The following CNTN1 variants were observed in gnomAD, a reference collection of about 807,000 sequenced individuals.
CNTN1 encodes contactin 1, also known as contactin-1.
In CNTN1, 38 loss-of-function variants were observed where a neutral mutation model predicts 126.4. The ratio of observed to expected loss-of-function variants is 0.30; its 90% CI spans 0.23 to 0.39. The LOEUF is 0.39. Among genes scored for constraint, CNTN1 ranks in the 10% least tolerant of loss-of-function variants. The pLI, the probability that CNTN1 is intolerant of heterozygous loss-of-function variation, is 1.00. For missense variants in CNTN1, 1,009 were observed against 1,248.4 expected, an observed-to-expected ratio of 0.81 and a Z score of 2.89; for synonymous variants, 413 against 422.6, an observed-to-expected ratio of 0.98 and a Z score of 0.28.
At chr12:40,967,898 T>C (rs1947364344) in intron 15 of CNTN1, among the ~76,000 whole-genome samples, 1 of 150,742 alleles carries the variant, frequency 6.6e-6, no homozygotes, top group Admixed American at 6.6e-5. Flanking sequence ...AATTATATAA[T>C]TTAATATATA....
chr12:40,694,919 T>A (rs1372983034), intron 1 of CNTN1, among the ~76,000 whole-genome samples: 1 of 152,156 alleles, frequency 6.6e-6, no homozygotes, highest in East Asian at 1.9e-4. Context: ...AGTGGGTCAT[T>A]AATAAACAGG....
chr12:41,007,875 T>C (rs1948541920), intron 17 of CNTN1, among the ~76,000 whole-genome samples: 2 of 152,206 alleles, frequency 1.3e-5, no homozygotes, highest in Non-Finnish European at 2.9e-5. Context: ...CCCAGCTTGC[T>C]TGTTTATGTC....
At chr12:40,904,410 T>C (rs1162427929) in intron 1 of CNTN1, among the ~76,000 whole-genome samples, 1 of 148,222 alleles carries the variant, frequency 6.7e-6, no homozygotes, top group Non-Finnish European at 1.5e-5. Flanking sequence ...CCCTCCCTCT[T>C]TCATTCTTTC....
chr12:40,707,622 T>C (rs2121147916), intron 1 of CNTN1, among the ~76,000 whole-genome samples: 1 of 152,286 alleles, frequency 6.6e-6, no homozygotes, highest in South Asian at 2.1e-4. Flanking sequence ...CCCTTTCCTT[T>C]CATGTTAAAT....
chr12:40,780,363 C>T (rs1451322760), intron 1 of CNTN1, among the ~76,000 whole-genome samples: 1 of 151,692 alleles, frequency 6.6e-6, no homozygotes, highest in African/African-American at 2.4e-5. Context: ...AAGTTTAAGA[C>T]CCCTAGGAAT....
chr12:40,879,211 C>A (rs1273478814), intron 1 of CNTN1, among the ~76,000 whole-genome samples: 2 of 152,104 alleles, frequency 1.3e-5, no homozygotes, highest in Non-Finnish European at 2.9e-5. Flanking sequence ...ATATTATAAA[C>A]AGCACACTTT....
Position 41,016,866 on chromosome 12 carries a change from A to G in CNTN1, c.2369A>G (p.Lys790Arg), listed in dbSNP as rs771483189. The G allele has an allele frequency of 6.2e-7, 1 of 1,614,126 alleles. No individual in the cohort carries two copies. The highest frequency in any genetic ancestry group is 8.5e-7 in the Non-Finnish European group (1 of 1,180,000). ...FQVKVKAFNN[K>R]GDGPYSLVAV... is the part of the protein sequence containing the mutation. ...GTTAAAGTCAAGGCCTTCAACAACA[A>G]AGGAGATGGACCTTACAGCCTAGTA... The change falls in exon 19 of 24, where the codon AAA (lysine) becomes AGA (arginine). Residue 790 changes from lysine to arginine, a missense_variant. By Grantham distance (26) the Lys-to-Arg change is conservative. Transcript: ENST00000551295.
chr12:40,701,609 G>T (rs984832932), intron 1 of CNTN1, among the ~76,000 whole-genome samples: 5 of 152,026 alleles, frequency 3.3e-5, no homozygotes, highest in African/African-American at 1.2e-4. Context: ...ATTAAATGTG[G>T]TGTAATATAA....
intron 1 of CNTN1, among the ~76,000 whole-genome samples, chr12:40,712,973 T>TA (rs372202113): frequency 1.6e-4 from 24 of 151,892 alleles, no homozygotes; most frequent in African/African-American, 5.6e-4. Context: ...AGCTGGTTGT[T>TA]AAAAAAAAGT....
intron 12 of CNTN1, among the ~76,000 whole-genome samples, 171 bp downstream of exon 12, chr12:40,939,656 A>G (rs548906946): frequency 6.6e-6 from 1 of 152,260 alleles, no homozygotes; most frequent in South Asian, 2.1e-4. Flanking sequence ...GTCAGTATCT[A>G]TTATAATGAA....
chr12:40,782,413 T>C (rs1267723481), intron 1 of CNTN1, among the ~76,000 whole-genome samples: 2 of 151,956 alleles, frequency 1.3e-5, no homozygotes, highest in African/African-American at 4.8e-5. Flanking sequence ...ACTTAAAACT[T>C]CTTAGGGATT....
chr12:40,924,935 A>G (rs1023106088), intron 6 of CNTN1, among the ~76,000 whole-genome samples: 31 of 137,544 alleles, frequency 2.3e-4, no homozygotes, highest in African/African-American at 6.9e-4. Flanking sequence ...TTCCATAGGG[A>G]AATTCTGTTA....
chr12:40,852,037 T>TG (rs1188949419), intron 1 of CNTN1, among the ~76,000 whole-genome samples: 1 of 152,166 alleles, frequency 6.6e-6, no homozygotes, highest in Admixed American at 6.6e-5. Context: ...GGACAGGAGC[T>TG]GGCCCAAGTT....
chr12:40,930,378 AC>A (rs770134739), intron 7 of CNTN1, among the ~76,000 whole-genome samples: 3 of 152,038 alleles, frequency 2.0e-5, no homozygotes, highest in Non-Finnish European at 4.4e-5. Flanking sequence ...GTAGATCAAA[AC>A]AAACAATAGT....
chr12:40,709,623 C>G (rs954873081), intron 1 of CNTN1, among the ~76,000 whole-genome samples: 3 of 152,190 alleles, frequency 2.0e-5, no homozygotes, highest in African/African-American at 7.2e-5. Context: ...TTTAGTGTAG[C>G]CACCTTCATC....
At position 40,961,650 on chromosome 12, in the gene CNTN1, TAAGATTTTCGTAGCCAGCAA is replaced by T. The variant is rs562544113; in HGVS notation, c.1804+2417_1804+2436del. Among the ~76,000 whole-genome samples the T allele has an allele frequency of 4.7e-3, 720 of 152,176 alleles. 9 individuals carry two copies. The highest frequency in any genetic ancestry group is 0.016 in the Admixed American group (239 of 15,258). On this transcript the variant is annotated intron_variant, in intron 15 of 23. Transcript: ENST00000551295. ...CTGGGAAAATGATTTGTAATTTTCA[TAAGATTTTCGTAGCCAGCAA>T]TGTCCCACAAGGCATTAAAAAGCTA...
chr12:40,814,259 A>G (rs184887715), intron 1 of CNTN1, among the ~76,000 whole-genome samples: 3,456 of 152,228 alleles, frequency 0.023, 123 homozygotes, highest in African/African-American at 0.077. Context: ...TTTTTGTCAT[A>G]AAGTCTTTGC....
chr12:41,025,231 G>A lies in CNTN1; in HGVS notation c.2605G>A (p.Glu869Lys), dbSNP rs200286741. 62 of 1,613,822 alleles carry A rather than the reference G, an allele frequency of 3.8e-5. No individual in the cohort carries two copies. The highest frequency in any genetic ancestry group is 1.1e-4 in the East Asian group (5 of 44,876). The change falls in exon 21 of 24, where the codon GAG (glutamate) becomes AAG (lysine). Residue 869 changes from glutamate to lysine, a missense_variant. Glu to Lys is a moderately conservative substitution (Grantham distance 56, BLOSUM62 1). Transcript: ENST00000551295. ...VTSQEYSARL[E>K]NLLPDTQYFI... ...CAGCCAAGAGTACTCGGCCAGGCTCGAGAACCTTCTGCCAGACACCCAGTA... is the reference window on the plus strand; with the variant it reads ...CAGCCAAGAGTACTCGGCCAGGCTCAAGAACCTTCTGCCAGACACCCAGTA...
chr12:41,063,905 G>A (rs908623189), intron 23 of CNTN1, among the ~76,000 whole-genome samples: 2 of 152,262 alleles, frequency 1.3e-5, no homozygotes, highest in Middle Eastern at 3.4e-3. Flanking sequence ...GGCCGGGCGC[G>A]GTAGCTCACG....
Sources: allele counts gnomAD v4.1 joint callset (sites outside exome capture counted in the v4.1 genomes callset), GRCh38; gene constraint gnomAD v4.1.1; transcripts MANE v1.5; gene names NCBI Gene and HGNC (gene_info 2026-07-23, HGNC 2026-07-21).